VPS36: variants seen among roughly 807,000 people sequenced by gnomAD.
VPS36 encodes the protein vacuolar protein-sorting-associated protein 36.
Under a neutral mutation model 63.5 loss-of-function variants are expected in VPS36, and 31 were observed. That is an observed-to-expected ratio of 0.49 (90% CI 0.37 to 0.66). The LOEUF is 0.66. VPS36 is among the 30% of genes least tolerant of loss of function. VPS36 has a pLI of 0.00. For missense variants in VPS36, 338 were observed against 463.7 expected (o/e 0.73, Z 2.49); for synonymous variants, 138 against 157.2 (o/e 0.88, Z 0.91).
At position 52,423,574 on chromosome 13, in the gene VPS36, T is replaced by G; in HGVS notation, c.840A>C (p.Glu280Asp). Residue 280 changes from glutamate (E) to aspartate (D), a missense_variant and splice_region_variant, in exon 10 of 14, where the codon GAA (glutamate) becomes GAC (aspartate). Glu to Asp is a conservative substitution (Grantham distance 45). Coordinates refer to ENST00000378060, the MANE Select transcript of VPS36 (RefSeq NM_016075.4). Reference sequence around the variant, plus strand: ...GAGTATTTAAATTTTCTATCCTTACTTCCATTCCTCGAGCTCGGTTTACTA... The same window carrying G: ...GAGTATTTAAATTTTCTATCCTTACGTCCATTCCTCGAGCTCGGTTTACTA... ...YCLVNRARGM[E>D]LLSPEDLVNA... is the part of the protein sequence containing the mutation. 1 of 1,611,490 alleles carries G rather than the reference T, an allele frequency of 6.2e-7. No homozygotes were observed. Among genetic ancestry groups the G allele is most frequent in the Non-Finnish European group, 8.5e-7 (1 of 1,178,454 alleles).
intron 1 of VPS36, among the ~76,000 whole-genome samples, chr13:52,448,176 G>A (rs1174324707): frequency 1.3e-5 from 2 of 152,196 alleles, no homozygotes; most frequent in Non-Finnish European, 2.9e-5. Flanking sequence ...GCTTGCCCAG[G>A]GAATGGGTTG....
At chr13:52,426,711 CG>C (rs1566084820) in intron 8 of VPS36, among the ~76,000 whole-genome samples, 2 of 151,938 alleles carry the variant, frequency 1.3e-5, no homozygotes, top group Admixed American at 1.3e-4. Flanking sequence ...AAAAATTAGC[CG>C]GGCGTGGTGG....
At chr13:52,449,922 C>T (rs920837360) in intron 1 of VPS36, 9 of 985,408 alleles carry the variant, frequency 9.1e-6, no homozygotes, top group South Asian at 4.7e-5. Context: ...TCCAATGAAG[C>T]ACTGATACCT....
Position 52,417,084 on chromosome 13 carries a change from C to T in VPS36, c.963G>A (p.Glu321=), listed in dbSNP as rs544264766. The T allele has an allele frequency of 1.7e-5, 28 of 1,614,082 alleles. No homozygotes were observed. The Middle Eastern group carries it at 4.9e-4, about 29-fold the overall frequency. The change falls in exon 12 of 14, where the codon GAG becomes GAA. Residue 321 remains glutamate, a synonymous_variant. Transcript: ENST00000378060. ...TCTCCAGGGCCGAGGCCACCATTTC[C>T]TCTTCCTTGTGAGACTGAAGCTCAA... ...MVIELQSHKE[E]EMVASALETV...
At chr13:52,450,100 T>C (rs1190921797) in intron 1 of VPS36, 4 of 989,182 alleles carry the variant, frequency 4.0e-6, no homozygotes, top group African/African-American at 3.5e-5. Context: ...GACGCCGAGG[T>C]TGGTGTCGTC....
chr13:52,412,934 G>A lies in VPS36; in HGVS notation c.*2896C>T, dbSNP rs1293591557. 6.6e-6 allele frequency: 1 copy of A among 152,618 alleles called. No individual in the cohort carries two copies. The highest frequency in any genetic ancestry group is 1.5e-5 in the Non-Finnish European group (1 of 68,030). 9.5% of individuals were successfully genotyped at this position (152,618 alleles called of 1,614,324 possible). ...ATAAGAATCTCTTGATATGCAGTTT[G>A]TATTTTTGTACTTAATATAAGCATA... On this transcript the variant is annotated 3_prime_UTR_variant, in exon 14 of 14. Transcript: ENST00000378060.
intron 1 of VPS36, 189 bp downstream of exon 1, chr13:52,450,310 A>T: frequency 8.5e-7 from 1 of 1,170,864 alleles, no homozygotes; most frequent in Non-Finnish European, 1.1e-6. Context: ...CGAGCGCCCC[A>T]CGCCACGTGC....
At chr13:52,449,410 TTAAGGAAA>T (rs2137816309) in intron 1 of VPS36, among the ~76,000 whole-genome samples, 1 of 152,286 alleles carries the variant, frequency 6.6e-6, no homozygotes, top group African/African-American at 2.4e-5. Context: ...AGCAAATTAT[TTAAGGAAA>T]AGACCTTTAC....
Position 52,423,453 on chromosome 13 carries a change from T to C in VPS36, c.840+121A>G, listed in dbSNP as rs112874365. 12 of 765,970 alleles carry C rather than the reference T, an allele frequency of 1.6e-5. 1 individual carries two copies. Among genetic ancestry groups the C allele is most frequent in the African/African-American group, 5.2e-5 (3 of 57,442 alleles). 47.4% of individuals were successfully genotyped at this position (765,970 alleles called of 1,614,324 possible). A position where few individuals can be genotyped will look rare whatever the true frequency, so the allele number is the denominator to read the frequency against. On this transcript the variant is annotated intron_variant, in intron 10 of 13. Transcript: ENST00000378060. Reference sequence around the variant, plus strand: ...AGATCCCAGGACAGTATTCTTTCACTGTACCACAGTGCTTCTCAAAATAGC... The same window carrying C: ...AGATCCCAGGACAGTATTCTTTCACCGTACCACAGTGCTTCTCAAAATAGC...
chr13:52,446,113 A>T (rs576797761), intron 1 of VPS36, among the ~76,000 whole-genome samples: 71 of 150,640 alleles, frequency 4.7e-4, no homozygotes, highest in Middle Eastern at 6.9e-3. Context: ...AAATAAAAAA[A>T]AAAATTGCCG....
chr13:52,422,389 T>C (rs1353971246), intron 10 of VPS36, among the ~76,000 whole-genome samples: 1 of 152,214 alleles, frequency 6.6e-6, no homozygotes, highest in Admixed American at 6.5e-5. Flanking sequence ...ATTCTATCTT[T>C]GCTTTTTTAA....
intron 11 of VPS36, among the ~76,000 whole-genome samples, chr13:52,417,579 C>T (rs113554126): frequency 0.017 from 2,647 of 152,270 alleles, 75 homozygotes; most frequent in Admixed American, 0.08. Flanking sequence ...AGGTTGGTCT[C>T]GAACTCCCGA....
In VPS36 at chr13:52,419,073, A is replaced by G. The variant is rs1186028197; in HGVS notation, c.841-1017T>C. 3.3e-5 allele frequency among the ~76,000 whole-genome samples: 5 copies of G among 152,280 alleles called. 1 individual carries two copies. Among genetic ancestry groups the G allele is most frequent in the Admixed American group, 3.3e-4 (5 of 15,286 alleles). On this transcript the variant is annotated intron_variant, in intron 10 of 13. Transcript: ENST00000378060. ...ATTGGGAGGATAAATGAGGTAACACATGCAGAGTGTCCAGTGGATGGTAAG... is the reference window on the plus strand; with the variant it reads ...ATTGGGAGGATAAATGAGGTAACACGTGCAGAGTGTCCAGTGGATGGTAAG...
Position 52,416,730 on chromosome 13 carries a change from C to A in VPS36, c.990+327G>T, listed in dbSNP as rs115519977. On this transcript the variant is annotated intron_variant, in intron 12 of 13. Coordinates refer to ENST00000378060, the MANE Select transcript of VPS36 (RefSeq NM_016075.4). ...TGCTTATGTAGGTGTTACTGGAAGA[C>A]AAAGTTTAATTGTGTTGTAACATCT... 7.4e-3 allele frequency among the ~76,000 whole-genome samples: 1,123 copies of A among 152,212 alleles called. 5 individuals carry two copies. Among genetic ancestry groups the A allele is most frequent in the African/African-American group, 0.017 (699 of 41,528 alleles).
intron 1 of VPS36, among the ~76,000 whole-genome samples, chr13:52,443,974 T>C (rs182163328): frequency 6.2e-4 from 94 of 152,264 alleles, no homozygotes; most frequent in African/African-American, 2.2e-3. Flanking sequence ...TCCAGGAATA[T>C]CCAGTTATTT....
chr13:52,433,351 T>C (rs1958179734), intron 6 of VPS36, among the ~76,000 whole-genome samples: 1 of 152,182 alleles, frequency 6.6e-6, no homozygotes, highest in Admixed American at 6.5e-5. Flanking sequence ...CCAAAATAAT[T>C]ATACAGAGAA....
At chr13:52,420,008 AG>A (rs1177504468) in intron 10 of VPS36, among the ~76,000 whole-genome samples, 2 of 152,158 alleles carry the variant, frequency 1.3e-5, no homozygotes, top group Non-Finnish European at 2.9e-5. Flanking sequence ...TGGGAGGCCA[AG>A]GGGGGTGGAT....
At chr13:52,435,494 G>A (rs1044314821) in intron 4 of VPS36, among the ~76,000 whole-genome samples, 1 of 152,078 alleles carries the variant, frequency 6.6e-6, no homozygotes, top group Non-Finnish European at 1.5e-5. Flanking sequence ...AAACAATCCT[G>A]TGTATGTGGA....
intron 10 of VPS36, among the ~76,000 whole-genome samples, chr13:52,419,016 C>T (rs946652559): frequency 7.9e-5 from 12 of 152,162 alleles, no homozygotes; most frequent in Admixed American, 6.5e-4. Flanking sequence ...TCAAATTATC[C>T]CCTACACTAA....
Sources: allele counts gnomAD v4.1 joint callset (sites outside exome capture counted in the v4.1 genomes callset), GRCh38; gene constraint gnomAD v4.1.1; transcripts MANE v1.5; gene names NCBI Gene and HGNC (gene_info 2026-07-23, HGNC 2026-07-21).